Variants in RSPH10B2 observed in about 807,000 individuals in gnomAD.
RSPH10B2 encodes radial spoke head 10 homolog B2, also known as radial spoke head 10 homolog B2 (Chlamydomonas).
In RSPH10B2, 9 loss-of-function variants were observed where a neutral mutation model predicts 49.0. The ratio of observed to expected loss-of-function variants is 0.18; its 90% CI spans 0.11 to 0.32. The LOEUF (loss-of-function observed/expected upper bound fraction) is 0.32, where lower values mean the gene tolerates loss of function less well. Among genes scored for constraint, RSPH10B2 ranks in the 10% least tolerant of loss-of-function variants. The probability of loss-of-function intolerance (pLI) is 1.00; values close to 1 mark genes in which losing one functional copy is unlikely to be tolerated. For missense variants in RSPH10B2, 95 were observed against 589.9 expected (o/e 0.16, Z 8.69); for synonymous variants, 35 against 210.2 (o/e 0.17, Z 7.21).
At chr7:6,794,032 T>C (rs1209821250) in intron 17 of RSPH10B2, 2 of 147,204 alleles carry the variant, frequency 1.4e-5, no homozygotes, top group Non-Finnish European at 3.0e-5. Flanking sequence ...GCTGTGTACA[T>C]GCTCACCTTT....
chr7:6,784,135 TG>T (rs1475671768), intron 13 of RSPH10B2, among the ~76,000 whole-genome samples: 1 of 73,514 alleles, frequency 1.4e-5, no homozygotes, highest in Non-Finnish European at 2.5e-5. Context: ...GAAGCATTTT[TG>T]TGATGACTGT....
chr7:6,781,251 C>T, intron 12 of RSPH10B2, 77 bp from the exon 15 acceptor site: 1 of 1,273,312 alleles, frequency 7.9e-7, no homozygotes, highest in Non-Finnish European at 1.0e-6. Context: ...AAAACAAAAG[C>T]AATAGGATTA....
At chr7:6,768,217 A>T (rs1262199575) in intron 6 of RSPH10B2, among the ~76,000 whole-genome samples, 6 of 152,352 alleles carry the variant, frequency 3.9e-5, no homozygotes, top group Non-Finnish European at 7.4e-5. Context: ...ATAAACCCCA[A>T]CATTTAAAAT....
intron 7 of RSPH10B2, among the ~76,000 whole-genome samples, chr7:6,769,359 C>G (rs922707245): frequency 6.4e-5 from 1 of 15,662 alleles, no homozygotes; most frequent in African/African-American, 4.6e-4. Context: ...TAAATATAGG[C>G]GCTCTAGATT....
intron 6 of RSPH10B2, 148 bp downstream of exon 8, chr7:6,767,025 C>T (rs1387990737): frequency 2.2e-5 from 8 of 366,650 alleles, no homozygotes; most frequent in Non-Finnish European, 3.7e-5. Flanking sequence ...AGTGCACTGG[C>T]GCAATCTTGG....
At chr7:6,793,306 C>G (rs190634223) in intron 17 of RSPH10B2, among the ~76,000 whole-genome samples, 2 of 115,936 alleles carry the variant, frequency 1.7e-5, no homozygotes, top group Non-Finnish European at 3.4e-5. Flanking sequence ...CCCGCCTTGG[C>G]GTCCCAAAGC....
rs2711180 is a variant in RSPH10B2 at position 6,783,223 on chromosome 7, T to G, written c.1758+1747T>G. On this transcript the variant is annotated intron_variant, in intron 13 of 18. Coordinates refer to ENST00000297186, the Ensembl canonical transcript of RSPH10B2. ...TTTTTGTATTTTTTAGTAGAGACAG[T>G]GTTTCACTGTGTTAGCAAGGATGAT... Among the ~76,000 whole-genome samples the G allele has an allele frequency of 1.1e-3, 116 of 109,804 alleles. 1 individual carries two copies. The highest frequency in any genetic ancestry group is 4.0e-3 in the African/African-American group (98 of 24,538). The allele number at this position is 109,804 out of a possible 152,430, so 72.0% of individuals were successfully genotyped here.
chr7:6,758,431 G>A (rs1462847922), intron 1 of RSPH10B2, among the ~76,000 whole-genome samples: 14 of 147,070 alleles, frequency 9.5e-5, no homozygotes, highest in East Asian at 2.1e-4. Context: ...GCCCCATGGC[G>A]TGTGTATATA....
rs1179246344 is a variant in RSPH10B2 at position 6,776,857 on chromosome 7, A to T, written c.1414+311A>T. Among the ~76,000 whole-genome samples the T allele has an allele frequency of 3.8e-5, 4 of 106,106 alleles. 1 individual carries two copies. The highest frequency in any genetic ancestry group is 7.5e-5 in the Non-Finnish European group (4 of 53,384). 69.6% of individuals were successfully genotyped at this position (106,106 alleles called of 152,430 possible). On this transcript the variant is annotated intron_variant, in intron 10 of 18. Coordinates refer to ENST00000297186, the Ensembl canonical transcript of RSPH10B2. ...GTGCCATTGCACTCCAGCCTGGGTG[A>T]CAGGGCGAGACTCCATCACACACAC...
Position 6,769,754 on chromosome 7 carries a change from C to CT in RSPH10B2, c.957+1012dup, listed in dbSNP as rs911131827. ...CAGGTGTGCGCCACCACGCCCGGCTCTTTTTTTTTTTTTTTTTTTTTTTTA... is the reference window on the plus strand; with the variant it reads ...CAGGTGTGCGCCACCACGCCCGGCTCTTTTTTTTTTTTTTTTTTTTTTTTTA... On this transcript the variant is annotated intron_variant, in intron 7 of 18. Transcript: ENST00000297186. 4.8e-3 allele frequency among the ~76,000 whole-genome samples: 366 copies of CT among 76,634 alleles called. 2 individuals carry two copies. The highest frequency in any genetic ancestry group is 0.033 in the East Asian group (123 of 3,706). 50.3% of individuals were successfully genotyped at this position (76,634 alleles called of 152,430 possible).
chr7:6,776,873 T>TCTCTCACA (rs1460063586), intron 10 of RSPH10B2, among the ~76,000 whole-genome samples: 24 of 110,994 alleles, frequency 2.2e-4, no homozygotes, highest in African/African-American at 8.2e-4. Context: ...CGAGACTCCA[T>TCTCTCACA]CACACACACA....
rs115065502 is a variant in RSPH10B2 at position 6,765,809 on chromosome 7, C to T, written c.659+18C>T. ...ATAAGATGGTAGGTATGACCACTGC[C>T]GCGCTTGGGGTGTAGATGAAGAAGG... On this transcript the variant is annotated intron_variant, in intron 5 of 18. Transcript: ENST00000297186. 9.8e-4 allele frequency: 1,540 copies of T among 1,572,616 alleles called. 148 individuals are homozygous for T. In the African/African-American group the frequency reaches 0.02, roughly 20 times the overall value.
In RSPH10B2 at chr7:6,781,316, T is replaced by C. The variant is rs1336540682; in HGVS notation, c.1610-12T>C. The C allele has an allele frequency of 1.6e-6, 2 of 1,280,434 alleles. No individual in the cohort carries two copies. The highest frequency in any genetic ancestry group is 2.9e-5 in the East Asian group (1 of 34,916). The allele number at this position is 1,280,434 out of a possible 1,614,324, so 79.3% of individuals were successfully genotyped here. ...TAAATCTGTAATCATTTTTCGAACG[T>C]TGTATTTTTAGGCAATTTATTCCGT... is the stretch of plus-strand genomic sequence containing the variant. On this transcript the variant is annotated splice_polypyrimidine_tract_variant and intron_variant, in intron 12 of 18. Transcript: ENST00000297186.
intron 3 of RSPH10B2, among the ~76,000 whole-genome samples, 171 bp from the exon 6 acceptor site, chr7:6,763,757 G>A (rs1781325400): frequency 6.8e-6 from 1 of 146,184 alleles, no homozygotes. Context: ...TGCGATGAGA[G>A]CAGACAAGGA....
rs1283594458 is a variant in RSPH10B2 at position 6,767,026 on chromosome 7, G to A, written c.780+149G>A. ...GTCTCCCAGGCTGGAGTGCACTGGC[G>A]CAATCTTGGCTCACTGCAGCCTCCA... On this transcript the variant is annotated intron_variant, in intron 6 of 18. Transcript: ENST00000297186. 1.4e-5 allele frequency: 5 copies of A among 357,842 alleles called. 1 individual carries two copies. Among genetic ancestry groups the A allele is most frequent in the South Asian group, 3.2e-5 (1 of 31,332 alleles). The allele number at this position is 357,842 out of a possible 1,614,324, so 22.2% of individuals were successfully genotyped here. A position where few individuals can be genotyped will look rare whatever the true frequency, so the allele number is the denominator to read the frequency against.
chr7:6,780,618 C>A (rs1193658294), intron 11 of RSPH10B2, among the ~76,000 whole-genome samples, 191 bp from the exon 14 acceptor site: 1 of 117,144 alleles, frequency 8.5e-6, no homozygotes, highest in Non-Finnish European at 1.8e-5. Context: ...CTCCTGACCT[C>A]GAGTGATCCG....
At position 6,780,792 on chromosome 7, in the gene RSPH10B2, T is replaced by G. The variant is rs1453072004; in HGVS notation, c.1530-17T>G. 3.5e-6 allele frequency: 5 copies of G among 1,432,422 alleles called. 1 individual carries two copies. In the East Asian group the frequency reaches 1.1e-4, roughly 31 times the overall value. The allele number at this position is 1,432,422 out of a possible 1,614,324, so 88.7% of individuals were successfully genotyped here. ...TGGAGGAGAAGTAACTATGGTATCT[T>G]TTGATGATTATCACAGAAAGAGAAG... On this transcript the variant is annotated splice_polypyrimidine_tract_variant and intron_variant, in intron 11 of 18. Transcript: ENST00000297186.
chr7:6,796,480 C>T lies in RSPH10B2; in HGVS notation c.2234-88C>T, dbSNP rs1782570165. 4 of 810,000 alleles carry T rather than the reference C, an allele frequency of 4.9e-6. 1 individual carries two copies. Among genetic ancestry groups the T allele is most frequent in the Non-Finnish European group, 6.9e-6 (4 of 578,466 alleles). 50.2% of individuals were successfully genotyped at this position (810,000 alleles called of 1,614,324 possible). ...TGGCCGAGGAGAAGGGGGCCCACCC[C>T]AGGGAGGCTAGAACGAGAAAAAGCA... On this transcript the variant is annotated intron_variant, in intron 17 of 18. Transcript: ENST00000297186.
At chr7:6,793,133 C>T (rs1195289034) in intron 17 of RSPH10B2, among the ~76,000 whole-genome samples, 1 of 104,772 alleles carries the variant, frequency 9.5e-6, no homozygotes, top group Non-Finnish European at 1.8e-5. Flanking sequence ...TCTTGAACTC[C>T]TGGATCCAAG....
Sources: allele counts gnomAD v4.1 joint callset (sites outside exome capture counted in the v4.1 genomes callset), GRCh38; gene constraint gnomAD v4.1.1; transcripts MANE v1.5; gene names NCBI Gene and HGNC (gene_info 2026-07-23, HGNC 2026-07-21).